The following DYRK4 variants were observed in gnomAD, a reference collection of about 807,000 sequenced individuals.
DYRK4 encodes the protein dual specificity tyrosine-phosphorylation-regulated kinase 4.
DYRK4 carries 64 observed loss-of-function variants against 68.3 expected under a neutral mutation model. The observed-to-expected ratio is 0.94, with a 90% CI of 0.77 to 1.15. The LOEUF (loss-of-function observed/expected upper bound fraction) is 1.15, where lower values mean the gene tolerates loss of function less well. DYRK4 is among the 50% of genes most tolerant of loss of function. The probability of loss-of-function intolerance (pLI) is 0.00; values close to 1 mark genes in which losing one functional copy is unlikely to be tolerated. For synonymous variants in DYRK4, 274 were observed against 289.9 expected (o/e 0.95, Z 0.56); for missense variants, 740 against 764.7 (o/e 0.97, Z 0.38).
chr12:4,596,835 T>A, intron 8 of DYRK4, 106 bp downstream of exon 8: 1 of 1,567,394 alleles, frequency 6.4e-7, no homozygotes, highest in Non-Finnish European at 8.6e-7. Flanking sequence ...ATTTAGTAAC[T>A]AGAATGGACA....
intron 2 of DYRK4, among the ~76,000 whole-genome samples, chr12:4,569,510 A>G (rs1484493509): frequency 6.6e-6 from 1 of 152,172 alleles, no homozygotes; most frequent in East Asian, 1.9e-4. Flanking sequence ...TGCTATTATT[A>G]TCCCCAATTT....
At chr12:4,612,884 G>A (rs1945240953) in intron 14 of DYRK4, 166 bp downstream of exon 14, 2 of 680,504 alleles carry the variant, frequency 2.9e-6, no homozygotes, top group Non-Finnish European at 4.8e-6. Flanking sequence ...CATTTCTGAA[G>A]GATTTGCATG....
chr12:4,568,976 T>G (rs1346167007), intron 2 of DYRK4, among the ~76,000 whole-genome samples: 2 of 152,238 alleles, frequency 1.3e-5, no homozygotes, highest in African/African-American at 4.8e-5. Flanking sequence ...CCTGCATCAC[T>G]GTTTGGCAGA....
Position 4,584,497 on chromosome 12 carries a change from A to T in DYRK4, c.133-4440A>T, listed in dbSNP as rs140092106. 5.2e-4 allele frequency among the ~76,000 whole-genome samples: 77 copies of T among 149,458 alleles called. 1 individual carries two copies. Among genetic ancestry groups the T allele is most frequent in the African/African-American group, 1.8e-3 (74 of 40,698 alleles). On this transcript the variant is annotated intron_variant, in intron 2 of 14. Coordinates refer to ENST00000543431, the MANE Select transcript of DYRK4 (RefSeq NM_001394779.1). ...TTTGCATAAATGCCAGGTGCAGAGTAGGGGGCAGGGTGAGTAAACTGGTTT... is the reference window on the plus strand; with the variant it reads ...TTTGCATAAATGCCAGGTGCAGAGTTGGGGGCAGGGTGAGTAAACTGGTTT...
chr12:4,574,197 C>A (rs1165822074), intron 2 of DYRK4, among the ~76,000 whole-genome samples: 1 of 146,850 alleles, frequency 6.8e-6, no homozygotes, highest in Non-Finnish European at 1.5e-5. Flanking sequence ...TGCACCCTGG[C>A]CTGGGCGACA....
intron 12 of DYRK4, among the ~76,000 whole-genome samples, chr12:4,608,585 T>C (rs1420136847): frequency 6.6e-6 from 1 of 152,100 alleles, no homozygotes; most frequent in Non-Finnish European, 1.5e-5. Context: ...TGAGCCCTGC[T>C]ACAACTGCAG....
intron 10 of DYRK4, chr12:4,603,459 G>A (rs190341754): frequency 8.7e-4 from 276 of 319,054 alleles, no homozygotes; most frequent in Non-Finnish European, 1.3e-3. Flanking sequence ...ACTCCACACC[G>A]TCCTTCCCTT....
chr12:4,602,299 CTCT>C, intron 10 of DYRK4: 1 of 956,402 alleles, frequency 1.0e-6, no homozygotes, highest in East Asian at 2.5e-5. Flanking sequence ...GCCATTCTCC[CTCT>C]TTTTTTCTTC....
chr12:4,590,676 A>C (rs756808287), intron 4 of DYRK4: 6 of 772,260 alleles, frequency 7.8e-6, no homozygotes, highest in African/African-American at 1.8e-5. Flanking sequence ...TCATTGAGGA[A>C]AAATGAAGTG....
intron 1 of DYRK4, among the ~76,000 whole-genome samples, chr12:4,566,555 TG>T (rs1464890099): frequency 6.6e-6 from 1 of 152,240 alleles, no homozygotes; most frequent in African/African-American, 2.4e-5. Context: ...GGGAGCTGGT[TG>T]CAGAAGGCTG....
chr12:4,605,145 G>T (rs12318978), intron 11 of DYRK4, 59 bp downstream of exon 11: 56,714 of 1,511,402 alleles, frequency 0.038, 2,008 homozygotes, highest in African/African-American at 0.18. Flanking sequence ...CCTCAGACAC[G>T]GGGCTGCACC....
intron 9 of DYRK4, 69 bp from the exon 10 acceptor site, chr12:4,599,638 G>A (rs1463044062): frequency 8.6e-7 from 1 of 1,169,582 alleles, no homozygotes. Flanking sequence ...AGGATGAGGA[G>A]CATTTAGGTA....
At chr12:4,604,486 C>T (rs925928464) in intron 10 of DYRK4, among the ~76,000 whole-genome samples, 6 of 152,214 alleles carry the variant, frequency 3.9e-5, no homozygotes, top group African/African-American at 1.4e-4. Flanking sequence ...ATATTGAATA[C>T]AGACTTTGCA....
intron 8 of DYRK4, among the ~76,000 whole-genome samples, chr12:4,597,592 A>G (rs1945032895): frequency 6.6e-6 from 1 of 152,226 alleles, no homozygotes; most frequent in Admixed American, 6.5e-5. Context: ...CACAGTGCAC[A>G]GTTAGAATGT....
intron 10 of DYRK4, among the ~76,000 whole-genome samples, chr12:4,604,476 A>G (rs1019027617): frequency 2.0e-5 from 3 of 152,170 alleles, no homozygotes; most frequent in African/African-American, 7.2e-5. Context: ...TGCACATGCT[A>G]TATTGAATAC....
chr12:4,582,337 G>A (rs534204450), intron 2 of DYRK4, among the ~76,000 whole-genome samples: 2 of 152,250 alleles, frequency 1.3e-5, no homozygotes, highest in South Asian at 2.1e-4. Context: ...CCAGCTACTC[G>A]GGAGGCTGAG....
In DYRK4 at chr12:4,577,561, T is replaced by C. The variant is rs1591789374; in HGVS notation, c.132+9513T>C. Among the ~76,000 whole-genome samples the C allele has an allele frequency of 2.0e-5, 3 of 152,220 alleles. No individual in the cohort carries two copies. In the East Asian group the frequency reaches 5.8e-4, roughly 29 times the overall value. On this transcript the variant is annotated intron_variant, in intron 2 of 14. Coordinates refer to ENST00000543431, the MANE Select transcript of DYRK4 (RefSeq NM_001394779.1). ...CTTTATAGTAAGTCTTGAGGTTGGG[T>C]CATCAGTCCTCTAACTTTGCTGTTC...
rs185361639 is a variant in DYRK4 at position 4,610,959 on chromosome 12, C to T, written c.1490+675C>T. 2.0e-5 allele frequency among the ~76,000 whole-genome samples: 3 copies of T among 152,308 alleles called. No individual in the cohort carries two copies. The East Asian group carries it at 5.8e-4, about 29-fold the overall frequency. ...ACTATTAAAGAGGTAAATCTATCTC[C>T]ACAGAGTGGCAAGTAGATTATCCAT... On this transcript the variant is annotated intron_variant, in intron 13 of 14. Coordinates refer to ENST00000543431, the MANE Select transcript of DYRK4 (RefSeq NM_001394779.1).
intron 10 of DYRK4, chr12:4,603,240 G>T: frequency 1.0e-6 from 1 of 983,976 alleles, no homozygotes; most frequent in South Asian, 1.3e-5. Flanking sequence ...TGTTTGCTGT[G>T]TTCTATTACT....
Sources: gnomAD v4.1 joint callset for allele counts (sites outside exome capture counted in the v4.1 genomes callset) on GRCh38, gnomAD v4.1.1 for gene constraint, MANE v1.5 for transcripts, NCBI Gene and HGNC (gene_info 2026-07-23, HGNC 2026-07-21) for gene names.